MNDA: variants seen among roughly 807,000 people sequenced by gnomAD.
MNDA encodes myeloid cell nuclear differentiation antigen, also known as epididymis secretory sperm binding protein.
MNDA carries 43 observed loss-of-function variants against 37.8 expected under a neutral mutation model. The observed-to-expected ratio is 1.14, with a 90% CI of 0.89 to 1.47. The LOEUF is 1.47. MNDA is among the 40% of genes most tolerant of loss of function. The pLI is 0.00. For missense variants in MNDA, 536 were observed against 476.0 expected (o/e 1.13, Z -1.17); for synonymous variants, 181 against 169.0 (o/e 1.07, Z -0.55).
At chr1:158,838,811 T>C (rs1242197285) in intron 1 of MNDA, among the ~76,000 whole-genome samples, 1 of 152,194 alleles carries the variant, frequency 6.6e-6, no homozygotes, top group East Asian at 1.9e-4. Flanking sequence ...TAATTACACA[T>C]GACCTGTCTA....
At chr1:158,847,377 G>A (rs538872417) in intron 5 of MNDA, among the ~76,000 whole-genome samples, 19 of 152,068 alleles carry the variant, frequency 1.2e-4, no homozygotes, top group Non-Finnish European at 2.6e-4. Flanking sequence ...ATTGTAGAAA[G>A]CATACATTTG....
chr1:158,843,758 C>G (rs1659076862), intron 3 of MNDA, among the ~76,000 whole-genome samples, 197 bp from the exon 4 acceptor site: 1 of 152,182 alleles, frequency 6.6e-6, no homozygotes, highest in Non-Finnish European at 1.5e-5. Context: ...TCATCCATCT[C>G]CTTTTTAGTG....
chr1:158,840,913 ACT>A (rs937414369), intron 1 of MNDA, among the ~76,000 whole-genome samples: 1 of 152,120 alleles, frequency 6.6e-6, no homozygotes, highest in Non-Finnish European at 1.5e-5. Context: ...GAATTTGGAC[ACT>A]CTAATTATAT....
chr1:158,846,384 C>T (rs1310719612), intron 5 of MNDA, among the ~76,000 whole-genome samples: 1 of 152,102 alleles, frequency 6.6e-6, no homozygotes, highest in Non-Finnish European at 1.5e-5. Context: ...ATGAATTGTG[C>T]TACCAAGGTT....
intron 5 of MNDA, among the ~76,000 whole-genome samples, chr1:158,847,187 A>G (rs1405417387): frequency 6.6e-6 from 1 of 152,224 alleles, no homozygotes; most frequent in East Asian, 1.9e-4. Flanking sequence ...TGAGGGATAC[A>G]AAACTATATA....
intron 1 of MNDA, among the ~76,000 whole-genome samples, chr1:158,836,715 AT>A (rs1351658223): frequency 1.3e-5 from 2 of 150,962 alleles, no homozygotes; most frequent in African/African-American, 4.9e-5. Flanking sequence ...TCTAATCTCA[AT>A]TTTACCTCTA....
intron 1 of MNDA, among the ~76,000 whole-genome samples, chr1:158,837,859 A>G (rs900077747): frequency 1.3e-5 from 2 of 150,130 alleles, no homozygotes; most frequent in Non-Finnish European, 3.0e-5. Flanking sequence ...ATGTTCTTCT[A>G]TTCCTTTGTG....
intron 1 of MNDA, among the ~76,000 whole-genome samples, chr1:158,839,564 C>G (rs981223550): frequency 1.3e-5 from 2 of 152,178 alleles, no homozygotes; most frequent in Non-Finnish European, 2.9e-5. Context: ...TCATGTGAAG[C>G]AGTTACTAGT....
intron 1 of MNDA, among the ~76,000 whole-genome samples, chr1:158,833,431 G>T (rs566965607): frequency 6.6e-6 from 1 of 152,072 alleles, no homozygotes; most frequent in Non-Finnish European, 1.5e-5. Context: ...CCTCCAGAAC[G>T]CCTTTGCATC....
In MNDA at chr1:158,845,977, G is replaced by A. The variant is rs267598110; in HGVS notation, c.961G>A (p.Val321Met). Residue 321 changes from valine to methionine, a missense_variant, in exon 5 of 7, where the codon GTG becomes ATG. Transcript: ENST00000368141. ...TTACAAGCAAGCATCTGGAACAATG[G>A]TGTATGGGTTGTTTATGTTACAAAA... The part of the protein sequence containing the change: ...QLYKQASGTM[V>M]YGLFMLQKKS... 6.2e-7 allele frequency: 1 copy of A among 1,609,650 alleles called. No homozygotes were observed. Among genetic ancestry groups the A allele is most frequent in the Non-Finnish European group, 8.5e-7 (1 of 1,178,336 alleles).
intron 5 of MNDA, among the ~76,000 whole-genome samples, chr1:158,846,296 A>C (rs1409583718): frequency 6.6e-6 from 1 of 152,356 alleles, no homozygotes; most frequent in Non-Finnish European, 1.5e-5. Flanking sequence ...GAGCAAGCTA[A>C]TAACATCATC....
At chr1:158,843,237 C>A (rs370826018) in intron 2 of MNDA, 42 bp from the exon 3 acceptor site, 7 of 1,559,812 alleles carry the variant, frequency 4.5e-6, no homozygotes, top group Non-Finnish European at 6.0e-6. Flanking sequence ...ATAAGCTATT[C>A]CACTCTAGGC....
At position 158,843,350 on chromosome 1, in the gene MNDA, G is replaced by T; in HGVS notation, c.337G>T (p.Ala113Ser). The change falls in exon 3 of 7, where the codon GCA becomes TCA. Residue 113 changes from alanine (A) to serine (S), a missense_variant. By Grantham distance (99) the Ala-to-Ser change is moderately conservative (BLOSUM62 1). Transcript: ENST00000368141. ...AAACCAGGAAGAAGTGGGTCTTGCGGCACCTGCACCCACCGCAAGAAACAA... is the reference window on the plus strand; with the variant it reads ...AAACCAGGAAGAAGTGGGTCTTGCGTCACCTGCACCCACCGCAAGAAACAA... ...KINQEEVGLA[A>S]PAPTARNKLT... 6.2e-7 allele frequency: 1 copy of T among 1,612,904 alleles called. No individual in the cohort carries two copies.
chr1:158,849,139 T>C, intron 6 of MNDA, 51 bp from the exon 7 acceptor site: 1 of 1,418,766 alleles, frequency 7.0e-7, no homozygotes, highest in Non-Finnish European at 9.8e-7. Flanking sequence ...TAAGCAGAGC[T>C]TCATTTCAAT....
rs943333823 is a variant in MNDA, at chr1:158,849,344, G to A, written c.*107G>A. The A allele has an allele frequency of 1.0e-6, 1 of 977,586 alleles. No homozygotes were observed. Among genetic ancestry groups the A allele is most frequent in the South Asian group, 1.7e-5 (1 of 60,302 alleles). 60.6% of individuals were successfully genotyped at this position (977,586 alleles called of 1,614,324 possible). ...AATTCATTTAAATGATGTTTCAGTA[G>A]ATATATTCTAGCATATTAAGAGCTT... On this transcript the variant is annotated 3_prime_UTR_variant, in exon 7 of 7. Transcript: ENST00000368141.
At chr1:158,842,520 A>G (rs1659049651) in intron 2 of MNDA, 102 bp downstream of exon 2, 4 of 1,283,562 alleles carry the variant, frequency 3.1e-6, no homozygotes, top group Non-Finnish European at 3.3e-6. Flanking sequence ...TTTCCAATTT[A>G]TAACTCAGCA....
intron 5 of MNDA, 125 bp downstream of exon 5, chr1:158,846,128 T>A: frequency 1.1e-6 from 1 of 938,552 alleles, no homozygotes; most frequent in Non-Finnish European, 1.6e-6. Context: ...AGTGATGAAG[T>A]TGTCCCACAA....
chr1:158,846,090 A>G, intron 5 of MNDA, 87 bp downstream of exon 5: 1 of 1,245,472 alleles, frequency 8.0e-7, no homozygotes, highest in Non-Finnish European at 1.1e-6. Context: ...TGAATATTGG[A>G]ACACAAGAAT....
At chr1:158,846,811 C>T (rs1659143733) in intron 5 of MNDA, among the ~76,000 whole-genome samples, 1 of 152,146 alleles carries the variant, frequency 6.6e-6, no homozygotes, top group Non-Finnish European at 1.5e-5. Flanking sequence ...AATATAGCCC[C>T]TTAAATTTAC....
Sources: gnomAD v4.1 joint callset for allele counts (sites outside exome capture counted in the v4.1 genomes callset) on GRCh38, gnomAD v4.1.1 for gene constraint, MANE v1.5 for transcripts, NCBI Gene and HGNC (gene_info 2026-07-23, HGNC 2026-07-21) for gene names.